Variants in ZGRF1 observed in about 807,000 individuals in gnomAD.
ZGRF1 encodes the protein 5'-3' DNA helicase ZGRF1.
A neutral mutation model predicts 203.5 loss-of-function variants in ZGRF1; 196 were observed. That is an observed-to-expected ratio of 0.96 (90% CI 0.86 to 1.08). The LOEUF is 1.08. Ranked by LOEUF, ZGRF1 falls within the 50% of genes least tolerant of loss-of-function variation. ZGRF1 has a pLI of 0.00. For missense variants in ZGRF1, 2,326 were observed against 2,416.3 expected, an observed-to-expected ratio of 0.96 and a Z score of 0.78; for synonymous variants, 809 against 841.3, an observed-to-expected ratio of 0.96 and a Z score of 0.66.
chr4:112,558,181 T>C lies in ZGRF1; in HGVS notation c.5089A>G (p.Thr1697Ala), dbSNP rs991608096. The C allele has an allele frequency of 1.9e-6, 3 of 1,608,360 alleles. No homozygotes were observed. The highest frequency in any genetic ancestry group is 1.7e-6 in the Non-Finnish European group (2 of 1,178,212). Residue 1697 changes from threonine to alanine, a missense_variant, in exon 20 of 28, where the codon ACT becomes GCT. Physicochemically the swap from Thr to Ala is moderately conservative, Grantham distance 58. Coordinates refer to ENST00000505019, the MANE Select transcript of ZGRF1 (RefSeq NM_018392.5). ...AGTACTCTGTCAACAGCCACATTAGTAGAAGAAGAAATCAGAAGTTTCCAC... is the reference window on the plus strand; with the variant it reads ...AGTACTCTGTCAACAGCCACATTAGCAGAAGAAGAAATCAGAAGTTTCCAC... ...RPWKLLISSS[T>A]NVAVDRVLLG...
Position 112,587,607 on chromosome 4 carries a change from T to G in ZGRF1, c.3450A>C (p.Gln1150His). The G allele has an allele frequency of 6.2e-7, 1 of 1,613,914 alleles. No individual in the cohort carries two copies. Among genetic ancestry groups the G allele is most frequent in the Non-Finnish European group, 8.5e-7 (1 of 1,179,852 alleles). The change falls in exon 12 of 28, where the codon CAA becomes CAC. Residue 1150 changes from glutamine (Q) to histidine (H), a missense_variant. Coordinates refer to ENST00000505019, the MANE Select transcript of ZGRF1 (RefSeq NM_018392.5). ...ISTQSKWLKY[Q>H]NTSQCNVATP... ...TAGCCACGTTGCATTGGGATGTGTT[T>G]TGATATTTCAGCCACTTGCTCTGAG... is the stretch of plus-strand genomic sequence containing the variant.
chr4:112,585,395 G>T, intron 14 of ZGRF1, 146 bp downstream of exon 14: 1 of 479,776 alleles, frequency 2.1e-6, no homozygotes, highest in Non-Finnish European at 3.4e-6. Context: ...AAAACTTTGA[G>T]AATTTAATGT....
rs766932452 is a variant in ZGRF1, at chr4:112,587,443, A to C, written c.3614T>G (p.Ile1205Arg). ...CCGCTGTTGATAGAGCATGCCTTTT[A>C]TCATTTGCAAATGCACAGAGTCTAA... ...SSLDSVHLQM[I>R]KGMLYQQRQD... The change falls in exon 12 of 28, where the codon ATA (isoleucine) becomes AGA (arginine). Residue 1205 changes from isoleucine (I) to arginine (R), a missense_variant. By Grantham distance (97) the Ile-to-Arg change is moderately conservative. Coordinates refer to ENST00000505019, the MANE Select transcript of ZGRF1 (RefSeq NM_018392.5). The C allele has an allele frequency of 1.9e-6, 3 of 1,613,980 alleles. No homozygotes were observed. The highest frequency in any genetic ancestry group is 2.2e-5 in the South Asian group (2 of 91,078).
intron 16 of ZGRF1, among the ~76,000 whole-genome samples, chr4:112,576,751 C>T (rs1206912405): frequency 6.6e-6 from 1 of 151,936 alleles, no homozygotes; most frequent in Non-Finnish European, 1.5e-5. Context: ...AGAAATGAAC[C>T]AAGCCTCCAA....
intron 10 of ZGRF1, 87 bp downstream of exon 10, chr4:112,603,437 G>T: frequency 1.1e-6 from 1 of 881,458 alleles, no homozygotes; most frequent in Non-Finnish European, 1.7e-6. Context: ...ACTTATAACT[G>T]TATAAACAAC....
intron 3 of ZGRF1, chr4:112,628,625 A>C (rs1268526252): frequency 2.2e-6 from 1 of 456,248 alleles, no homozygotes. Context: ...ACTTGCCTGG[A>C]ACATAGAAAC....
chr4:112,573,371 T>A (rs1744564613), intron 16 of ZGRF1, among the ~76,000 whole-genome samples: 1 of 151,918 alleles, frequency 6.6e-6, no homozygotes, highest in African/African-American at 2.4e-5. Context: ...AAAGGCATAA[T>A]AATAATACAA....
chr4:112,557,039 C>G (rs1741069173), intron 20 of ZGRF1, among the ~76,000 whole-genome samples: 1 of 152,102 alleles, frequency 6.6e-6, no homozygotes, highest in Admixed American at 6.5e-5. Context: ...CTTTGCATTC[C>G]TCTTATTGAA....
chr4:112,562,281 A>G, intron 18 of ZGRF1, 90 bp downstream of exon 18: 2 of 727,420 alleles, frequency 2.7e-6, no homozygotes, highest in Non-Finnish European at 4.9e-6. Flanking sequence ...TATTGGCAAC[A>G]TTTATATACT....
intron 3 of ZGRF1, among the ~76,000 whole-genome samples, chr4:112,624,178 A>C (rs1439408874): frequency 6.6e-6 from 1 of 151,494 alleles, no homozygotes; most frequent in Non-Finnish European, 1.5e-5. Flanking sequence ...AAAAAAAAAA[A>C]AGGAATTCAA....
intron 7 of ZGRF1, among the ~76,000 whole-genome samples, chr4:112,611,844 G>C (rs1246822300): frequency 6.6e-6 from 1 of 152,112 alleles, no homozygotes; most frequent in African/African-American, 2.4e-5. Context: ...GTGATAAAAA[G>C]CAATTATCAT....
intron 1 of ZGRF1, 46 bp from the exon 2 acceptor site, chr4:112,633,288 AT>A: frequency 1.2e-6 from 1 of 856,358 alleles, no homozygotes; most frequent in Non-Finnish European, 1.9e-6. Context: ...TTTTTAAAAA[AT>A]ATCAAATATA....
chr4:112,623,523 G>C (rs1315124307), intron 4 of ZGRF1, among the ~76,000 whole-genome samples: 1 of 151,946 alleles, frequency 6.6e-6, no homozygotes, highest in Non-Finnish European at 1.5e-5. Context: ...TCACCTCCTA[G>C]GATCAAATTT....
rs997383788 is a variant in ZGRF1 at position 112,565,152 on chromosome 4, T to G, written c.4439-1878A>C. 3 of 1,460,390 alleles carry G rather than the reference T, an allele frequency of 2.1e-6. No individual in the cohort carries two copies. The African/African-American group carries it at 4.2e-5, about 20-fold the overall frequency. 90.5% of individuals were successfully genotyped at this position (1,460,390 alleles called of 1,614,324 possible). Reference sequence around the variant, plus strand: ...TGGCGCTCCGTGAAATTAGATGTTATCAGAAGTCCACTGAACTTCTGATTC... The same window carrying G: ...TGGCGCTCCGTGAAATTAGATGTTAGCAGAAGTCCACTGAACTTCTGATTC... On this transcript the variant is annotated intron_variant, in intron 16 of 27. Coordinates refer to ENST00000505019, the MANE Select transcript of ZGRF1 (RefSeq NM_018392.5).
Position 112,587,830 on chromosome 4 carries a change from C to T in ZGRF1, c.3227G>A (p.Gly1076Glu). 3 of 1,551,456 alleles carry T rather than the reference C, an allele frequency of 1.9e-6. No homozygotes were observed. Among genetic ancestry groups the T allele is most frequent in the Non-Finnish European group, 2.6e-6 (3 of 1,146,892 alleles). The change falls in exon 12 of 28, where the codon GGG (glycine) becomes GAG (glutamate). Residue 1076 changes from glycine (G) to glutamate (E), a missense_variant. Physicochemically the swap from Gly to Glu is moderately conservative, Grantham distance 98. Coordinates refer to ENST00000505019, the MANE Select transcript of ZGRF1 (RefSeq NM_018392.5). ...CGAATGAGAGTCTAAGTCAGGTGGC[C>T]CATCAGTACGTGGCAAAGTAATAAG... Reference protein sequence around the residue: ...VPLITLPRTDGPPDLDSHSYM... With the variant: ...VPLITLPRTDEPPDLDSHSYM...
chr4:112,584,220 T>C, intron 14 of ZGRF1, 46 bp from the exon 15 acceptor site: 1 of 1,337,888 alleles, frequency 7.5e-7, no homozygotes, highest in Non-Finnish European at 1.0e-6. Flanking sequence ...AAAAATGCTT[T>C]TATTTTTCGA....
rs555640690 is a variant in ZGRF1 at position 112,614,654 on chromosome 4, G to A, written c.2603-2066C>T. On this transcript the variant is annotated intron_variant, in intron 6 of 27. Coordinates refer to ENST00000505019, the MANE Select transcript of ZGRF1 (RefSeq NM_018392.5). ...AGCCTGACCAACATAGCGAAACCCCGTCTCTAATAAAAAAAAACAAAAATT... is the reference window on the plus strand; with the variant it reads ...AGCCTGACCAACATAGCGAAACCCCATCTCTAATAAAAAAAAACAAAAATT... Among the ~76,000 whole-genome samples, 15 of 152,098 alleles carry A rather than the reference G, an allele frequency of 9.9e-5. No individual in the cohort carries two copies. The East Asian group carries it at 2.5e-3, about 26-fold the overall frequency.
chr4:112,628,079 CA>C (rs2047294343), intron 3 of ZGRF1, among the ~76,000 whole-genome samples: 1 of 152,156 alleles, frequency 6.6e-6, no homozygotes, highest in Non-Finnish European at 1.5e-5. Flanking sequence ...GAACCAGAGA[CA>C]GATCTAAATG....
At position 112,585,969 on chromosome 4, in the gene ZGRF1, G is replaced by A. The variant is rs553366858; in HGVS notation, c.3917-244C>T. 2.6e-5 allele frequency among the ~76,000 whole-genome samples: 4 copies of A among 152,054 alleles called. No homozygotes were observed. The East Asian group carries it at 7.7e-4, about 29-fold the overall frequency. On this transcript the variant is annotated intron_variant, in intron 13 of 27. Transcript: ENST00000505019. ...AAAGATAATACTGGCCAAGTGTGGT[G>A]GCTCATGCCTGTAATCAACGCACTT...
Sources: gnomAD v4.1 joint callset for allele counts (sites outside exome capture counted in the v4.1 genomes callset) on GRCh38, gnomAD v4.1.1 for gene constraint, MANE v1.5 for transcripts, NCBI Gene and HGNC (gene_info 2026-07-23, HGNC 2026-07-21) for gene names.